Variants in ACBD5 observed in about 807,000 individuals in gnomAD.
ACBD5 encodes acyl-CoA-binding domain-containing protein 5.
ACBD5 carries 40 observed loss-of-function variants against 71.8 expected under a neutral mutation model. The observed-to-expected ratio is 0.56, with a 90% CI of 0.43 to 0.72. The LOEUF is 0.72. Ranked by LOEUF, ACBD5 falls within the 30% of genes least tolerant of loss-of-function variation. The pLI, the probability that ACBD5 is intolerant of heterozygous loss-of-function variation, is 0.00. For missense variants in ACBD5, 559 were observed against 644.5 expected (o/e 0.87, Z 1.44); for synonymous variants, 229 against 218.6 (o/e 1.05, Z -0.42).
chr10:27,227,871 C>G (rs920271889), intron 4 of ACBD5, among the ~76,000 whole-genome samples: 1 of 152,044 alleles, frequency 6.6e-6, no homozygotes, highest in Non-Finnish European at 1.5e-5. Flanking sequence ...CGCCACCACG[C>G]CCAGCTAAAT....
chr10:27,215,618 C>T lies in ACBD5; in HGVS notation c.853G>A (p.Asp285Asn). 1 of 1,612,370 alleles carries T rather than the reference C, an allele frequency of 6.2e-7. No homozygotes were observed. The highest frequency in any genetic ancestry group is 2.2e-5 in the East Asian group (1 of 44,796). ...HQDINDDHVE[D>N]VTGIQHLTSD... ...GTCAAATGCTGAATTCCTGTAACAT[C>T]TTCAACATGATCATCATTTATATCT... Residue 285 changes from aspartate to asparagine, a missense_variant, in exon 8 of 13, where the codon GAT becomes AAT. Physicochemically the swap from Asp to Asn is conservative, Grantham distance 23 (BLOSUM62 1). Coordinates refer to ENST00000396271, the MANE Select transcript of ACBD5 (RefSeq NM_145698.5).
At chr10:27,185,154 G>T (rs1443169026) in intron 13 of ACBD5, among the ~76,000 whole-genome samples, 1 of 152,164 alleles carries the variant, frequency 6.6e-6, no homozygotes, top group Non-Finnish European at 1.5e-5. Flanking sequence ...GGAGAAGGGG[G>T]TGAGCTTCAT....
In ACBD5 at chr10:27,196,430, C is replaced by T. The variant is rs977678709; in HGVS notation, c.*1000G>A. 2.2e-6 allele frequency: 1 copy of T among 454,358 alleles called. No homozygotes were observed. Among genetic ancestry groups the T allele is most frequent in the Non-Finnish European group, 4.4e-6 (1 of 226,786 alleles). 28.1% of individuals were successfully genotyped at this position (454,358 alleles called of 1,614,324 possible). On this transcript the variant is annotated 3_prime_UTR_variant, in exon 13 of 13. Transcript: ENST00000396271. ...CATTTGGCCCGTTAGCTTGCAAATC[C>T]CTCCAGTACTCCTGTGAAGTAGGTG...
downstream of ACBD5, among the ~76,000 whole-genome samples, chr10:27,194,298 C>T (rs1382572759): frequency 6.7e-6 from 1 of 149,556 alleles, no homozygotes; most frequent in Non-Finnish European, 1.5e-5. Context: ...CCACATAAGA[C>T]CAGAGATGTG....
Position 27,210,884 on chromosome 10 carries a change from G to A in ACBD5, c.1134C>T (p.Asn378=), listed in dbSNP as rs2137059861. ...GCTTCTCCCGGTGTGGTGCTCCGCT[G>A]TTATTCCTGCCATCTTCTCCTCCAT... ...VKHGGEDGRN[N]SGAPHREKRG... is the part of the protein sequence containing the mutation. Residue 378 remains asparagine (N), a synonymous_variant, in exon 9 of 13, where the codon AAC becomes AAT. Transcript: ENST00000396271. 1 of 1,614,194 alleles carries A rather than the reference G, an allele frequency of 6.2e-7. No homozygotes were observed. The highest frequency in any genetic ancestry group is 8.5e-7 in the Non-Finnish European group (1 of 1,180,034).
chr10:27,238,826 C>T (rs2065093899), intron 2 of ACBD5, among the ~76,000 whole-genome samples: 1 of 152,082 alleles, frequency 6.6e-6, no homozygotes, highest in Non-Finnish European at 1.5e-5. Flanking sequence ...ATATTAAATA[C>T]TATAGTAACA....
At chr10:27,214,727 A>C (rs998211047) in intron 8 of ACBD5, among the ~76,000 whole-genome samples, 1 of 152,156 alleles carries the variant, frequency 6.6e-6, no homozygotes, top group African/African-American at 2.4e-5. Context: ...ATTACAGTCA[A>C]TGTGGAGAAC....
At chr10:27,220,574 G>A (rs1351771158) in intron 5 of ACBD5, 1 of 152,124 alleles carries the variant, frequency 6.6e-6, no homozygotes, top group African/African-American at 2.4e-5. Context: ...ACACTGTTTT[G>A]AGAACATGGA....
At chr10:27,209,480 G>T (rs560190795) in intron 9 of ACBD5, among the ~76,000 whole-genome samples, 2 of 151,948 alleles carry the variant, frequency 1.3e-5, no homozygotes, top group Admixed American at 1.3e-4. Flanking sequence ...ATGCCACTAC[G>T]CCCGGCTAAT....
chr10:27,227,413 CA>C (rs1386685593), intron 4 of ACBD5, among the ~76,000 whole-genome samples: 1 of 152,096 alleles, frequency 6.6e-6, no homozygotes. Flanking sequence ...TAAAGCCATC[CA>C]AATCCTAATG....
intron 10 of ACBD5, among the ~76,000 whole-genome samples, 195 bp from the exon 11 acceptor site, chr10:27,205,443 T>C (rs2060386380): frequency 6.6e-6 from 1 of 152,098 alleles, no homozygotes; most frequent in Non-Finnish European, 1.5e-5. Flanking sequence ...ACTTTGATTA[T>C]CCTGAAACTA....
intron 8 of ACBD5, among the ~76,000 whole-genome samples, 165 bp from the exon 9 acceptor site, chr10:27,211,246 T>C (rs940851111): frequency 9.9e-5 from 15 of 152,230 alleles, no homozygotes; most frequent in African/African-American, 1.9e-4. Flanking sequence ...TGCTGCTTCC[T>C]ACCTGCAGGG....
intron 12 of ACBD5, among the ~76,000 whole-genome samples, chr10:27,203,137 C>T (rs1184139808): frequency 6.6e-6 from 1 of 151,586 alleles, no homozygotes; most frequent in African/African-American, 2.4e-5. Context: ...ACCAACCTGG[C>T]TAATTTTTTT....
At chr10:27,233,816 G>A (rs1375562912) in intron 3 of ACBD5, among the ~76,000 whole-genome samples, 8 of 152,168 alleles carry the variant, frequency 5.3e-5, no homozygotes, top group Non-Finnish European at 8.8e-5. Context: ...AGGCCGAGGC[G>A]GGCAGATCAC....
intron 12 of ACBD5, 127 bp from the exon 13 acceptor site, chr10:27,197,569 AACT>A (rs1396624454): frequency 1.4e-6 from 1 of 734,358 alleles, no homozygotes; most frequent in African/African-American, 1.8e-5. Flanking sequence ...GTCTTTATAG[AACT>A]ACATCATATG....
intron 4 of ACBD5, among the ~76,000 whole-genome samples, chr10:27,230,531 T>TA (rs2063712342): frequency 6.6e-6 from 1 of 152,194 alleles, no homozygotes; most frequent in Non-Finnish European, 1.5e-5. Flanking sequence ...GCATGGTGGC[T>TA]AACGCCCGTA....
chr10:27,207,005 C>G (rs917729080), intron 10 of ACBD5, among the ~76,000 whole-genome samples: 1 of 151,456 alleles, frequency 6.6e-6, no homozygotes, highest in Non-Finnish European at 1.5e-5. Context: ...AGGCCGGGCA[C>G]GGTGGCTCAC....
chr10:27,225,366 A>G (rs1350224943), intron 4 of ACBD5, among the ~76,000 whole-genome samples: 1 of 152,190 alleles, frequency 6.6e-6, no homozygotes. Context: ...TATGGTAGTC[A>G]GCAACTCTGA....
chr10:27,204,366 A>C (rs969710301), intron 12 of ACBD5, 74 bp downstream of exon 12: 214 of 1,093,460 alleles, frequency 2.0e-4, no homozygotes, highest in Non-Finnish European at 2.8e-4. Context: ...GCATCCCTTA[A>C]TTGCTGCTGA....
Sources: allele counts gnomAD v4.1 joint callset (sites outside exome capture counted in the v4.1 genomes callset), GRCh38; gene constraint gnomAD v4.1.1; transcripts MANE v1.5; gene names NCBI Gene and HGNC (gene_info 2026-07-23, HGNC 2026-07-21).